YIF1B: variants seen among roughly 807,000 people sequenced by gnomAD.
The protein encoded by YIF1B is protein YIF1B.
Under a neutral mutation model 34.6 loss-of-function variants are expected in YIF1B, and 24 were observed. The observed-to-expected ratio is 0.69, with a 90% confidence interval of 0.50 to 0.98. The LOEUF is 0.98. Among genes scored for constraint, YIF1B ranks in the 50% least tolerant of loss-of-function variants. The pLI is 0.00. For missense variants in YIF1B, 368 were observed against 429.4 expected, an observed-to-expected ratio of 0.86 and a Z score of 1.26; for synonymous variants, 186 against 184.8, an observed-to-expected ratio of 1.01 and a Z score of -0.05.
chr19:38,313,420 G>A (rs183516552), intron 1 of YIF1B, among the ~76,000 whole-genome samples: 1 of 151,680 alleles, frequency 6.6e-6, no homozygotes, highest in East Asian at 1.9e-4. Flanking sequence ...CACCACGCCC[G>A]GCTAATTTTT....
intron 7 of YIF1B, among the ~76,000 whole-genome samples, chr19:38,305,932 G>A (rs112311840): frequency 0.15 from 22,815 of 151,932 alleles, 1,883 homozygotes; most frequent in South Asian, 0.22. Flanking sequence ...GGCCTGGTGC[G>A]TTGGCTCACG....
chr19:38,304,786 T>C lies in YIF1B; in HGVS notation c.*566A>G, dbSNP rs553351705. The C allele has an allele frequency of 3.0e-5, 49 of 1,612,384 alleles. 1 individual carries two copies. In the African/African-American group the frequency reaches 5.3e-4, roughly 18 times the overall value. On this transcript the variant is annotated 3_prime_UTR_variant, in exon 8 of 8. Transcript: ENST00000339413. ...GGGAGGGTGCGGGGAGTGGTCCCCC[T>C]GTCTCGCTTCCAGCCCAGAACCATC... is the stretch of plus-strand genomic sequence containing the variant.
At chr19:38,319,581 G>C (rs928447806), upstream of YIF1B, among the ~76,000 whole-genome samples, 4 of 152,196 alleles carry the variant, frequency 2.6e-5, no homozygotes, top group African/African-American at 7.2e-5. Context: ...GCGACTCCTC[G>C]GCCTGCGAGC....
At chr19:38,320,303 G>A (rs1039617012), upstream of YIF1B, 4 of 1,601,814 alleles carry the variant, frequency 2.5e-6, no homozygotes, top group Middle Eastern at 1.7e-4. Context: ...AAGGCGGCGA[G>A]GACCCGGGAT....
chr19:38,320,113 GCTGCCCCCGCC>G (rs1157831556), upstream of YIF1B: 24 of 1,574,698 alleles, frequency 1.5e-5, no homozygotes, highest in Non-Finnish European at 2.1e-5. Context: ...CCCGTGTGTG[GCTGCCCCCGCC>G]CTGGACGCCT....
At position 38,308,910 on chromosome 19, in the gene YIF1B, G is replaced by A. The variant is rs555021954; in HGVS notation, c.482-61C>T. On this transcript the variant is annotated intron_variant, in intron 4 of 7. Transcript: ENST00000339413. ...AGGAAGAACTGCCCTGGGCCTCCAG[G>A]CACCCACACACCCGCTCCATATAGG... is the stretch of plus-strand genomic sequence containing the variant. 2.2e-5 allele frequency: 35 copies of A among 1,613,450 alleles called. No individual in the cohort carries two copies. The Admixed American group carries it at 5.2e-4, about 24-fold the overall frequency.
At chr19:38,309,981 C>CATCCACCA in intron 1 of YIF1B, 1 of 475,002 alleles carries the variant, frequency 2.1e-6, no homozygotes, top group South Asian at 3.1e-5. Context: ...TCCATTCATC[C>CATCCACCA]ATCCATCCAT....
chr19:38,320,361 C>A, upstream of YIF1B: 3 of 1,365,614 alleles, frequency 2.2e-6, no homozygotes, highest in Non-Finnish European at 2.0e-6. Context: ...CTCACGAATA[C>A]CCTTATCCCA....
At chr19:38,315,494 A>G in intron 1 of YIF1B, 7 of 1,404,392 alleles carry the variant, frequency 5.0e-6, no homozygotes, top group Non-Finnish European at 6.5e-6. Context: ...AGCGGTAGGC[A>G]TGGCCCTCTG....
At chr19:38,319,473 G>A (rs913880980), upstream of YIF1B, among the ~76,000 whole-genome samples, 3 of 152,184 alleles carry the variant, frequency 2.0e-5, no homozygotes, top group Non-Finnish European at 4.4e-5. Flanking sequence ...CTCACAACTT[G>A]GCGAATGGAG....
chr19:38,310,589 C>A (rs140236745), intron 1 of YIF1B, among the ~76,000 whole-genome samples: 1 of 152,016 alleles, frequency 6.6e-6, no homozygotes, highest in Non-Finnish European at 1.5e-5. Context: ...CTACTATGTG[C>A]GAGAGGAAGG....
chr19:38,308,369 G>A (rs1316599699), intron 5 of YIF1B, among the ~76,000 whole-genome samples: 1 of 152,062 alleles, frequency 6.6e-6, no homozygotes, highest in East Asian at 1.9e-4. Context: ...AGCGGGAGGG[G>A]CAGTGCCAGG....
At chr19:38,305,615 T>A in intron 7 of YIF1B, 108 bp from the exon 8 acceptor site, 3 of 1,412,262 alleles carry the variant, frequency 2.1e-6, no homozygotes, top group Non-Finnish European at 2.8e-6. Flanking sequence ...CCCAGGCAGC[T>A]GGGGACAAGT....
At chr19:38,306,736 C>G (rs765058398) in intron 7 of YIF1B, 138 of 271,480 alleles carry the variant, frequency 5.1e-4, no homozygotes, top group Non-Finnish European at 7.6e-4. Flanking sequence ...GGCTGGAGCG[C>G]AGGTGTGCGA....
At chr19:38,318,723 C>G (rs1969611360), upstream of YIF1B, among the ~76,000 whole-genome samples, 1 of 152,138 alleles carries the variant, frequency 6.6e-6, no homozygotes, top group Non-Finnish European at 1.5e-5. Context: ...GATCTGCCAG[C>G]TCTTTAATAG....
chr19:38,319,991 A>T (rs746734041), upstream of YIF1B: 248 of 1,476,170 alleles, frequency 1.7e-4, no homozygotes, highest in Non-Finnish European at 1.8e-4. Flanking sequence ...TTGGCCGCGT[A>T]CGCCGCGTAC....
At chr19:38,312,285 C>T (rs748124502) in intron 1 of YIF1B, among the ~76,000 whole-genome samples, 19 of 151,756 alleles carry the variant, frequency 1.3e-4, no homozygotes, top group Admixed American at 3.9e-4. Context: ...GGCATGGTGG[C>T]GTGCACCTGT....
Position 38,303,617 on chromosome 19 carries a change from C to T in YIF1B, c.*1735G>A, listed in dbSNP as rs1968858010. ...AAAAACCAACACATTATCAGTACTT[C>T]ATGCCAGACACCATTCTAGGAAATT... On this transcript the variant is annotated 3_prime_UTR_variant, in exon 8 of 8. Transcript: ENST00000339413. 6.6e-6 allele frequency among the ~76,000 whole-genome samples: 1 copy of T among 152,232 alleles called. No homozygotes were observed. Among genetic ancestry groups the T allele is most frequent in the Admixed American group, 6.5e-5 (1 of 15,280 alleles).
In YIF1B at chr19:38,309,556, C is replaced by T; in HGVS notation, c.146G>A (p.Gly49Asp). The T allele has an allele frequency of 1.2e-6, 2 of 1,601,098 alleles. No individual in the cohort carries two copies. The highest frequency in any genetic ancestry group is 1.7e-6 in the Non-Finnish European group (2 of 1,174,320). Residue 49 changes from glycine to aspartate, a missense_variant, in exon 2 of 8, where the codon GGC (glycine) becomes GAC (aspartate). Physicochemically the swap from Gly to Asp is moderately conservative, Grantham distance 94. This residue lies in a region of YIF1B where 153 missense variants were observed against 156.7 expected (regional missense o/e 0.98). Coordinates refer to ENST00000339413, the MANE Select transcript of YIF1B (RefSeq NM_001039672.3). ...ACCAGGTGCCCGCTGGGCCCCATAG[C>T]CCCGGCTCTGGGCTGAACTTGTGTC... is the stretch of plus-strand genomic sequence containing the variant. The part of the protein sequence containing the change: ...FDDTSSAQSR[G>D]YGAQRAPGGL...
Sources: gnomAD v4.1 joint callset for allele counts (sites outside exome capture counted in the v4.1 genomes callset) on GRCh38, gnomAD v4.1.1 for gene constraint, gnomAD v4.1.1 regional missense constraint, MANE v1.5 for transcripts, NCBI Gene and HGNC (gene_info 2026-07-23, HGNC 2026-07-21) for gene names.